The following HIPK2 variants were observed in gnomAD, a reference collection of about 807,000 sequenced individuals.
The protein encoded by HIPK2 is homeodomain-interacting protein kinase 2.
Under a neutral mutation model 113.7 loss-of-function variants are expected in HIPK2, and 27 were observed. The observed-to-expected ratio is 0.24, with a 90% CI of 0.17 to 0.33. HIPK2 has a LOEUF of 0.33. Ranked by LOEUF, HIPK2 falls within the 10% of genes least tolerant of loss-of-function variation. HIPK2 has a pLI of 1.00. For synonymous variants in HIPK2, 631 were observed against 642.2 expected (o/e 0.98, Z 0.26); for missense variants, 1,257 against 1,588.0 (o/e 0.79, Z 3.54).
chr7:139,756,416 T>TTTGA (rs1353298455), intron 1 of HIPK2, among the ~76,000 whole-genome samples: 1 of 151,918 alleles, frequency 6.6e-6, no homozygotes, highest in Non-Finnish European at 1.5e-5. Flanking sequence ...TTATTTAGTT[T>TTTGA]TTGTTTGTTT....
chr7:139,587,050 A>G (rs1199513535), intron 12 of HIPK2, among the ~76,000 whole-genome samples: 1 of 152,210 alleles, frequency 6.6e-6, no homozygotes, highest in African/African-American at 2.4e-5. Context: ...AATATAATTA[A>G]TGTCACTGAA....
intron 1 of HIPK2, among the ~76,000 whole-genome samples, chr7:139,738,033 T>C (rs1216474674): frequency 6.6e-6 from 1 of 152,178 alleles, no homozygotes; most frequent in African/African-American, 2.4e-5. Flanking sequence ...GATTCGAGTT[T>C]ATGGAAAGAA....
intron 10 of HIPK2, among the ~76,000 whole-genome samples, chr7:139,603,268 G>A (rs1799501796): frequency 6.6e-6 from 1 of 152,158 alleles, no homozygotes; most frequent in African/African-American, 2.4e-5. Flanking sequence ...CGTGCAGAAT[G>A]AGAGATAGCC....
rs1798125327 is a variant in HIPK2 at position 139,567,348 on chromosome 7, C to A, written c.*5579G>T. 1 of 151,836 alleles carries A rather than the reference C, an allele frequency of 6.6e-6. No homozygotes were observed. Among genetic ancestry groups the A allele is most frequent in the Non-Finnish European group, 1.5e-5 (1 of 68,002 alleles). 9.4% of individuals were successfully genotyped at this position (151,836 alleles called of 1,614,324 possible). On this transcript the variant is annotated 3_prime_UTR_variant, in exon 15 of 15. Transcript: ENST00000406875. ...CCGATAGCAGCAGCATCGAAGGGGTCACCTCCACTCCTCTTAAAAGAATAG... is the reference window on the plus strand; with the variant it reads ...CCGATAGCAGCAGCATCGAAGGGGTAACCTCCACTCCTCTTAAAAGAATAG...
intron 2 of HIPK2, among the ~76,000 whole-genome samples, chr7:139,701,049 G>C (rs922522039): frequency 6.6e-6 from 1 of 152,200 alleles, no homozygotes; most frequent in Non-Finnish European, 1.5e-5. Context: ...TTCTGTCAGC[G>C]CCAGCACCAA....
chr7:139,660,531 G>A (rs531004938), intron 2 of HIPK2, among the ~76,000 whole-genome samples: 205 of 152,338 alleles, frequency 1.3e-3, no homozygotes, highest in Non-Finnish European at 1.7e-3. Context: ...GCTGATCTGA[G>A]GTCAACCCAA....
rs1162770351 is a variant in HIPK2, at chr7:139,569,173, A to C, written c.*3754T>G. 6.6e-6 allele frequency: 1 copy of C among 152,048 alleles called. No homozygotes were observed. Among genetic ancestry groups the C allele is most frequent in the Non-Finnish European group, 1.5e-5 (1 of 68,096 alleles). 9.4% of individuals were successfully genotyped at this position (152,048 alleles called of 1,614,324 possible). A position where few individuals can be genotyped will look rare whatever the true frequency, so the allele number is the denominator to read the frequency against. On this transcript the variant is annotated 3_prime_UTR_variant, in exon 15 of 15. Transcript: ENST00000406875. ...CTCCACCCACTTCCAGCTGGCTAGA[A>C]TTGGGTGCTGGGGGCATGCATCACA...
At position 139,606,151 on chromosome 7, in the gene HIPK2, C is replaced by T. The variant is rs544193088; in HGVS notation, c.2113-1928G>A. On this transcript the variant is annotated intron_variant, in intron 9 of 14. Transcript: ENST00000406875. ...GATATGCTTGGCTCATTTGTGACAA[C>T]GCTTCATCAGACATTTTTATAATTT... 9.2e-5 allele frequency among the ~76,000 whole-genome samples: 14 copies of T among 152,270 alleles called. No homozygotes were observed. In the East Asian group the frequency reaches 1.2e-3, roughly 13 times the overall value.
At chr7:139,656,723 T>C (rs1801682763) in intron 2 of HIPK2, among the ~76,000 whole-genome samples, 1 of 152,216 alleles carries the variant, frequency 6.6e-6, no homozygotes, top group African/African-American at 2.4e-5. Context: ...TAACATCCTC[T>C]TCTTTTAGGT....
chr7:139,687,602 C>T (rs951830139), intron 2 of HIPK2, among the ~76,000 whole-genome samples: 10 of 152,122 alleles, frequency 6.6e-5, no homozygotes, highest in Non-Finnish European at 1.2e-4. Context: ...TAAGCTGCCC[C>T]CAATTCTTGT....
intron 2 of HIPK2, among the ~76,000 whole-genome samples, chr7:139,676,007 G>A (rs75283805): frequency 0.031 from 4,770 of 152,208 alleles, 175 homozygotes; most frequent in South Asian, 0.17. Flanking sequence ...CAGGTCAGTC[G>A]TCTCCTGATC....
intron 13 of HIPK2, among the ~76,000 whole-genome samples, chr7:139,577,005 T>C (rs1239704702): frequency 6.6e-6 from 1 of 152,186 alleles, no homozygotes; most frequent in Non-Finnish European, 1.5e-5. Flanking sequence ...CAGTGCAGTA[T>C]TAATACACAC....
Position 139,683,883 on chromosome 7 carries a change from G to A in HIPK2, c.1103+32049C>T, listed in dbSNP as rs1794134475. On this transcript the variant is annotated intron_variant, in intron 2 of 14. Coordinates refer to ENST00000406875, the MANE Select transcript of HIPK2 (RefSeq NM_022740.5). This position sits in a 1 kb window ranked among gnomAD's most constrained non-coding sequence, Gnocchi z 4.2. ...AAACACTGAATGGGCTTGGAATTTG[G>A]GGAGGGGCATATATATAGAGAGACA... Among the ~76,000 whole-genome samples the A allele has an allele frequency of 6.6e-6, 1 of 152,104 alleles. No individual in the cohort carries two copies. Among genetic ancestry groups the A allele is most frequent in the African/African-American group, 2.4e-5 (1 of 41,404 alleles).
intron 1 of HIPK2, among the ~76,000 whole-genome samples, chr7:139,744,021 G>A (rs1300288750): frequency 6.6e-6 from 1 of 152,154 alleles, no homozygotes; most frequent in Non-Finnish European, 1.5e-5. Flanking sequence ...ATATGCACAG[G>A]ATGATCATTA....
intron 2 of HIPK2, among the ~76,000 whole-genome samples, chr7:139,634,301 C>T (rs1053291651): frequency 6.6e-6 from 1 of 151,900 alleles, no homozygotes; most frequent in Non-Finnish European, 1.5e-5. Flanking sequence ...TGCTGCTGGG[C>T]GTCTTCAGCT....
Position 139,775,601 on chromosome 7 carries a change from G to A in HIPK2, c.19+2004C>T, listed in dbSNP as rs148714501. Among the ~76,000 whole-genome samples, 474 of 152,298 alleles carry A rather than the reference G, an allele frequency of 3.1e-3. 2 individuals are homozygous for A. The highest frequency in any genetic ancestry group is 5.4e-3 in the Non-Finnish European group (364 of 68,020). ...AAACTGAGGGCTGAAAGAGGCCACC[G>A]CGGAGGTCACCTGAGACAGGGAAGG... On this transcript the variant is annotated intron_variant, in intron 1 of 14. Transcript: ENST00000406875.
Position 139,777,916 on chromosome 7 carries a change from G to A in HIPK2, c.-293C>T, listed in dbSNP as rs1332943187. On this transcript the variant is annotated 5_prime_UTR_variant, in exon 1 of 15. Transcript: ENST00000406875. The stretch of plus-strand genomic sequence containing the variant: ...AGCGGCCGAGGCCGAGGCGCCGAGC[G>A]GCCGCGGCCCCCGAGCGGATCCGCG... 6 of 144,214 alleles carry A rather than the reference G, an allele frequency of 4.2e-5. No individual in the cohort carries two copies. Among genetic ancestry groups the A allele is most frequent in the African/African-American group, 1.5e-4 (6 of 40,242 alleles). The allele number at this position is 144,214 out of a possible 1,614,324, so 8.9% of individuals were successfully genotyped here.
At chr7:139,653,406 C>A (rs1273848243) in intron 2 of HIPK2, among the ~76,000 whole-genome samples, 1 of 151,152 alleles carries the variant, frequency 6.6e-6, no homozygotes, top group Non-Finnish European at 1.5e-5. Flanking sequence ...TCAACTGTTA[C>A]AGAATGGGTG....
chr7:139,687,464 T>C (rs1794259349), intron 2 of HIPK2, among the ~76,000 whole-genome samples: 1 of 152,238 alleles, frequency 6.6e-6, no homozygotes, highest in African/African-American at 2.4e-5. Flanking sequence ...ATTTATAATA[T>C]GCCAGGCATT....
Sources: allele counts gnomAD v4.1 joint callset (sites outside exome capture counted in the v4.1 genomes callset), GRCh38; gene constraint gnomAD v4.1.1; non-coding constraint Gnocchi (gnomAD v3.1); transcripts MANE v1.5; gene names NCBI Gene and HGNC (gene_info 2026-07-23, HGNC 2026-07-21).